BRD2: variants seen among roughly 807,000 people sequenced by gnomAD.
The protein encoded by BRD2 is bromodomain containing 2, also known as bromodomain-containing protein 2.
In BRD2, 15 loss-of-function variants were observed where a neutral mutation model predicts 79.1. The observed-to-expected ratio is 0.19, with a 90% CI of 0.13 to 0.29. The LOEUF (loss-of-function observed/expected upper bound fraction) is 0.29. Ranked by LOEUF, BRD2 falls within the 10% of genes least tolerant of loss-of-function variation. The pLI is 1.00. For missense variants in BRD2, 1,053 were observed against 991.3 expected, an observed-to-expected ratio of 1.06 and a Z score of -0.84; for synonymous variants, 488 against 358.6, an observed-to-expected ratio of 1.36 and a Z score of -4.08.
chr6:32,974,312 ATTGT>A (rs1778428623), intron 2 of BRD2, 146 bp from the exon 3 acceptor site: 2 of 771,610 alleles, frequency 2.6e-6, no homozygotes, highest in Admixed American at 2.4e-5. Context: ...AGCTCCACAG[ATTGT>A]TTGGATATTG....
At position 32,972,472 on chromosome 6, in the gene BRD2, C is replaced by G. The variant is rs980335207; in HGVS notation, c.-427C>G. ...GATTTCAAAGATGGAGGCGGCGGCT[C>G]CCTAAACCACTTTTCGTGTTCATCC... On this transcript the variant is annotated 5_prime_UTR_variant, in exon 2 of 13. Transcript: ENST00000374825. 1.3e-5 allele frequency: 4 copies of G among 308,056 alleles called. No homozygotes were observed. Among genetic ancestry groups the G allele is most frequent in the Non-Finnish European group, 2.5e-5 (4 of 161,482 alleles). The allele number at this position is 308,056 out of a possible 1,614,324, so 19.1% of individuals were successfully genotyped here. A position where few individuals can be genotyped will look rare whatever the true frequency, so the allele number is the denominator to read the frequency against.
Position 32,977,966 on chromosome 6 carries a change from G to A in BRD2, c.1539G>A (p.Glu513=). 4 of 1,611,776 alleles carry A rather than the reference G, an allele frequency of 2.5e-6. No homozygotes were observed. Among genetic ancestry groups the A allele is most frequent in the Non-Finnish European group, 3.4e-6 (4 of 1,180,024 alleles). Residue 513 remains glutamate, a synonymous_variant, in exon 9 of 13, where the codon GAG becomes GAA. Coordinates refer to ENST00000374825, the MANE Select transcript of BRD2 (RefSeq NM_005104.4). ...AAGAGAGTGAAAGCTCAGACTCAGAGGAAGAAAGGGCTCATCGCTTAGCAG... is the reference window on the plus strand; with the variant it reads ...AAGAGAGTGAAAGCTCAGACTCAGAAGAAGAAAGGGCTCATCGCTTAGCAG... ...EEEESESSDS[E]EERAHRLAEL...
chr6:32,976,404 C>G lies in BRD2; in HGVS notation c.765C>G (p.His255Gln). The G allele has an allele frequency of 1.9e-6, 3 of 1,612,822 alleles. No individual in the cohort carries two copies. Among genetic ancestry groups the G allele is most frequent in the Non-Finnish European group, 2.5e-6 (3 of 1,180,038 alleles). Residue 255 changes from histidine to glutamine, a missense_variant, in exon 6 of 13, where the codon CAC becomes CAG. By Grantham distance (24) the His-to-Gln change is conservative. Coordinates refer to ENST00000374825, the MANE Select transcript of BRD2 (RefSeq NM_005104.4). ...VISSPLLKSL[H>Q]SAGPPLLAVT... ...CCTCTCCACTTCTCAAGTCCTTGCACTCTGCTGGACCCCCGCTCCTTGCTG... is the reference window on the plus strand; with the variant it reads ...CCTCTCCACTTCTCAAGTCCTTGCAGTCTGCTGGACCCCCGCTCCTTGCTG...
rs1253327445 is a variant in BRD2, at chr6:32,972,295, C to A, written c.-604C>A. 7.4e-6 allele frequency: 3 copies of A among 404,780 alleles called. No homozygotes were observed. Among genetic ancestry groups the A allele is most frequent in the Non-Finnish European group, 1.4e-5 (3 of 213,306 alleles). The allele number at this position is 404,780 out of a possible 1,614,324, so 25.1% of individuals were successfully genotyped here. ...AGTCGTCCGGGGCCGCCATTACAAT[C>A]CACCTCCATCCGCTTGGAAATGGCC... On this transcript the variant is annotated 5_prime_UTR_variant, in exon 2 of 13. Transcript: ENST00000374825.
rs756161598 is a variant in BRD2 at position 32,972,091 on chromosome 6, C to A, written c.-808C>A. 1.3e-5 allele frequency: 9 copies of A among 693,586 alleles called. No individual in the cohort carries two copies. Among genetic ancestry groups the A allele is most frequent in the African/African-American group, 3.5e-5 (2 of 56,792 alleles). 43.0% of individuals were successfully genotyped at this position (693,586 alleles called of 1,614,324 possible). A position where few individuals can be genotyped will look rare whatever the true frequency, so the allele number is the denominator to read the frequency against. On this transcript the variant is annotated 5_prime_UTR_variant, in exon 2 of 13. Coordinates refer to ENST00000374825, the MANE Select transcript of BRD2 (RefSeq NM_005104.4). ...GCTTCTTCACCCGCGTGAGCGAGCGCGCGCGCGCGGAGGGGGTGGGGAAAA... is the reference window on the plus strand; with the variant it reads ...GCTTCTTCACCCGCGTGAGCGAGCGAGCGCGCGCGGAGGGGGTGGGGAAAA...
chr6:32,980,239 T>TG (rs1779341253), intron 11 of BRD2, 103 bp from the exon 12 acceptor site: 1 of 1,576,102 alleles, frequency 6.3e-7, no homozygotes, highest in Non-Finnish European at 8.6e-7. Flanking sequence ...TGGGATGTGT[T>TG]GGTTGGCAGC....
chr6:32,975,180 G>A, intron 3 of BRD2: 2 of 1,361,142 alleles, frequency 1.5e-6, no homozygotes, highest in Non-Finnish European at 1.0e-6. Flanking sequence ...GGCAGCAGGG[G>A]CCTCCCTGTG....
chr6:32,969,082 A>T (rs1042214724), intron 1 of BRD2, 26 bp downstream of exon 1: 3 of 475,342 alleles, frequency 6.3e-6, no homozygotes, highest in African/African-American at 1.9e-5. Flanking sequence ...TGTGGGGCGG[A>T]GATGTCAGTC....
intron 1 of BRD2, among the ~76,000 whole-genome samples, chr6:32,969,607 T>C (rs1777767721): frequency 6.6e-6 from 1 of 152,220 alleles, no homozygotes; most frequent in Non-Finnish European, 1.5e-5. Context: ...TTCGAGTCGC[T>C]TACCGAATTT....
chr6:32,970,266 C>T (rs931666845), intron 1 of BRD2: 4 of 152,306 alleles, frequency 2.6e-5, no homozygotes, highest in Non-Finnish European at 5.9e-5. Flanking sequence ...ATGCTGCAGC[C>T]ACCCAAACGG....
In BRD2 at chr6:32,968,746, C is replaced by CCCCCTTGG. The variant is rs1000266150; in HGVS notation, c.-1605_-1598dup. On this transcript the variant is annotated 5_prime_UTR_variant, in exon 1 of 13. It introduces an in-frame stop codon into an upstream open reading frame of the 5' UTR. Transcript: ENST00000374825. ...CGGGACATAGGCCTGGGCCATGCGG[C>CCCCCTTGG]CCCCTTGGCCCCTTGGCGCGACCCC... 2 of 153,600 alleles carry CCCCCTTGG rather than the reference C, an allele frequency of 1.3e-5. No homozygotes were observed. Among genetic ancestry groups the CCCCCTTGG allele is most frequent in the African/African-American group, 4.8e-5 (2 of 41,424 alleles). The allele number at this position is 153,600 out of a possible 1,614,324, so 9.5% of individuals were successfully genotyped here.
At chr6:32,973,718 GT>G (rs1778341517) in intron 2 of BRD2, among the ~76,000 whole-genome samples, 1 of 152,114 alleles carries the variant, frequency 6.6e-6, no homozygotes, top group Non-Finnish European at 1.5e-5. Flanking sequence ...TAGTGGGTGG[GT>G]GGAAGGGGGC....
intron 4 of BRD2, 103 bp downstream of exon 4, chr6:32,975,624 G>A (rs1778638472): frequency 1.4e-6 from 2 of 1,446,658 alleles, no homozygotes; most frequent in Non-Finnish European, 1.9e-6. Context: ...TGCTACTGAA[G>A]GTGTTATCCA....
intron 4 of BRD2, among the ~76,000 whole-genome samples, chr6:32,975,744 G>T (rs1404816101): frequency 6.6e-6 from 1 of 152,222 alleles, no homozygotes; most frequent in African/African-American, 2.4e-5. Flanking sequence ...CATACTTGGG[G>T]GTGGTGGTCC....
At chr6:32,973,105 C>G in intron 2 of BRD2, 178 bp downstream of exon 2, 1 of 1,560,106 alleles carries the variant, frequency 6.4e-7, no homozygotes, top group Non-Finnish European at 8.7e-7. Context: ...GGCGGCTCGG[C>G]TACTGCTCGT....
At chr6:32,969,458 C>T (rs1192863169) in intron 1 of BRD2, 2 of 673,984 alleles carry the variant, frequency 3.0e-6, no homozygotes, top group Non-Finnish European at 5.5e-6. Flanking sequence ...AGGAGTTGGC[C>T]ACCCATGTTG....
At position 32,980,455 on chromosome 6, in the gene BRD2, C is replaced by A. The variant is rs914197408; in HGVS notation, c.2260C>A (p.Pro754Thr). The stretch of plus-strand genomic sequence containing the variant: ...ACAGCTCAATTCTACTAAAAAGCCC[C>A]CCAAGAAAGGTGAGTATATACTTTC... Reference protein sequence around the residue: ...SGQLNSTKKPPKKANEKTESS... With the variant: ...SGQLNSTKKPTKKANEKTESS... The change falls in exon 12 of 13, where the codon CCC (proline) becomes ACC (threonine). Residue 754 changes from proline (P) to threonine (T), a missense_variant. By Grantham distance (38) the Pro-to-Thr change is conservative. Transcript: ENST00000374825. 1 of 1,612,838 alleles carries A rather than the reference C, an allele frequency of 6.2e-7. No homozygotes were observed. The highest frequency in any genetic ancestry group is 8.5e-7 in the Non-Finnish European group (1 of 1,180,022).
Position 32,974,609 on chromosome 6 carries a change from C to A in BRD2, c.177C>A (p.Ala59=), listed in dbSNP as rs138097363. Residue 59 remains alanine, a synonymous_variant, in exon 3 of 13, where the codon GCC becomes GCA. Coordinates refer to ENST00000374825, the MANE Select transcript of BRD2 (RefSeq NM_005104.4). ...ASVPALQLTP[A]NPPPPEVSNP... is the part of the protein sequence containing the mutation. Reference sequence around the variant, plus strand: ...TGCCTGCTTTGCAACTTACCCCTGCCAACCCACCACCCCCGGAGGTGTCCA... The same window carrying A: ...TGCCTGCTTTGCAACTTACCCCTGCAAACCCACCACCCCCGGAGGTGTCCA... The A allele has an allele frequency of 3.1e-3, 4,991 of 1,614,228 alleles. 29 individuals are homozygous for A. The highest frequency in any genetic ancestry group is 0.015 in the Middle Eastern group (88 of 6,062).
At position 32,975,514 on chromosome 6, in the gene BRD2, A is replaced by C. The variant is rs1351147021; in HGVS notation, c.464A>C (p.Tyr155Ser). The C allele has an allele frequency of 1.9e-6, 3 of 1,611,426 alleles. No homozygotes were observed. The highest frequency in any genetic ancestry group is 2.2e-5 in the East Asian group (1 of 44,766). ...FNTMFTNCYIYNKPTDDIVLM... is the reference protein window; with the variant it reads ...FNTMFTNCYISNKPTDDIVLM... ...ACCATGTTCACCAACTGTTACATTT[A>C]CAACAAGGTGAGTTTTTCTGTGTGT... is the stretch of plus-strand genomic sequence containing the variant. Residue 155 changes from tyrosine to serine, a missense_variant, in exon 4 of 13, where the codon TAC becomes TCC. Physicochemically the swap from Tyr to Ser is moderately radical, Grantham distance 144. Coordinates refer to ENST00000374825, the MANE Select transcript of BRD2 (RefSeq NM_005104.4).
Sources: gnomAD v4.1 joint callset for allele counts (sites outside exome capture counted in the v4.1 genomes callset) on GRCh38, gnomAD v4.1.1 for gene constraint, MANE v1.5 for transcripts, NCBI Gene and HGNC (gene_info 2026-07-23, HGNC 2026-07-21) for gene names.